The following CYFIP2 variants were observed in gnomAD, a reference collection of about 807,000 sequenced individuals.
The protein encoded by CYFIP2 is cytoplasmic FMR1-interacting protein 2.
Under a neutral mutation model 158.7 loss-of-function variants are expected in CYFIP2, and 29 were observed. The ratio of observed to expected loss-of-function variants is 0.18; its 90% CI spans 0.14 to 0.25. The LOEUF is 0.25. CYFIP2 is among the 10% of genes least tolerant of loss of function. The pLI is 1.00. For missense variants in CYFIP2, 852 were observed against 1,639.5 expected (o/e 0.52, Z 8.29); for synonymous variants, 585 against 617.6 (o/e 0.95, Z 0.78).
rs149957110 is a variant in CYFIP2 at position 157,304,386 on chromosome 5, G to A, written c.795+20G>A. 22 of 1,608,740 alleles carry A rather than the reference G, an allele frequency of 1.4e-5. No homozygotes were observed. The East Asian group carries it at 3.4e-4, about 25-fold the overall frequency. On this transcript the variant is annotated intron_variant, in intron 8 of 30. Coordinates refer to ENST00000620254, the MANE Select transcript of CYFIP2 (RefSeq NM_001037333.3). ...CTCAAGGTAAAACTCCCCTGAGGCC[G>A]CACCCATGGAGCCTGGGCTTACCCT...
At chr5:157,388,479 G>A (rs908062507) in intron 28 of CYFIP2, among the ~76,000 whole-genome samples, 4 of 152,174 alleles carry the variant, frequency 2.6e-5, no homozygotes, top group African/African-American at 7.2e-5. Context: ...AGTCAAGAGT[G>A]ACAATCCCAC....
At chr5:157,293,058 GTATGTA>G (rs1561697469) in intron 3 of CYFIP2, among the ~76,000 whole-genome samples, 15 of 151,766 alleles carry the variant, frequency 9.9e-5, no homozygotes, top group African/African-American at 2.9e-4. Flanking sequence ...ATGTATGTAT[GTATGTA>G]TGTGTGTTTG....
chr5:157,376,817 C>T (rs905220802), intron 26 of CYFIP2: 6 of 445,968 alleles, frequency 1.3e-5, no homozygotes, highest in Non-Finnish European at 2.3e-5. Context: ...GACTTCCAAG[C>T]TCAGATCTAC....
At chr5:157,351,394 T>C (rs1033105658) in intron 23 of CYFIP2, among the ~76,000 whole-genome samples, 1 of 152,242 alleles carries the variant, frequency 6.6e-6, no homozygotes, top group Non-Finnish European at 1.5e-5. Flanking sequence ...TTATTGGTTT[T>C]ATTTTTTAAT....
chr5:157,390,734 A>G (rs1767199747), intron 30 of CYFIP2, 66 bp downstream of exon 30: 7 of 1,548,420 alleles, frequency 4.5e-6, no homozygotes, highest in Non-Finnish European at 6.1e-6. Context: ...TTTACCAGAA[A>G]AGCAAACAAG....
At chr5:157,304,870 A>G (rs1210988397) in intron 8 of CYFIP2, 1 of 153,750 alleles carries the variant, frequency 6.5e-6, no homozygotes, top group Non-Finnish European at 1.4e-5. Context: ...TTACCCAAGC[A>G]GTGTATGCTG....
At chr5:157,302,328 C>T (rs1470094617) in intron 6 of CYFIP2, among the ~76,000 whole-genome samples, 1 of 152,180 alleles carries the variant, frequency 6.6e-6, no homozygotes, top group African/African-American at 2.4e-5. Context: ...CTTCTGTTTT[C>T]CATACAATGC....
At chr5:157,268,151 C>T (rs1233161924) in intron 1 of CYFIP2, among the ~76,000 whole-genome samples, 2 of 152,346 alleles carry the variant, frequency 1.3e-5, no homozygotes, top group South Asian at 2.1e-4. Context: ...GCTAGTTGTG[C>T]GCACTGAGCC....
intron 3 of CYFIP2, among the ~76,000 whole-genome samples, chr5:157,288,099 A>C (rs147479402): frequency 2.7e-3 from 414 of 152,322 alleles, no homozygotes; most frequent in African/African-American, 9.5e-3. Flanking sequence ...TCTCAAAAAA[A>C]TAAGAGTAGT....
chr5:157,345,867 ATTC>A (rs1184271670), intron 23 of CYFIP2: 1 of 152,190 alleles, frequency 6.6e-6, no homozygotes, highest in Non-Finnish European at 1.5e-5. Flanking sequence ...TGCAGTACTA[ATTC>A]TTCTAACACT....
intron 12 of CYFIP2, 33 bp downstream of exon 12, chr5:157,314,496 A>G: frequency 6.3e-7 from 1 of 1,596,282 alleles, no homozygotes; most frequent in Non-Finnish European, 8.5e-7. Flanking sequence ...CCTCACACTG[A>G]CCTCTCTTTC....
intron 5 of CYFIP2, among the ~76,000 whole-genome samples, chr5:157,298,672 T>C (rs1052551288): frequency 2.6e-5 from 4 of 152,006 alleles, no homozygotes; most frequent in African/African-American, 7.3e-5. Flanking sequence ...ACATCTTCAT[T>C]ACCCCAAAAA....
At chr5:157,367,969 G>T (rs1275604165) in intron 26 of CYFIP2, among the ~76,000 whole-genome samples, 1 of 152,016 alleles carries the variant, frequency 6.6e-6, no homozygotes, top group African/African-American at 2.4e-5. Context: ...TGTTGGTCAG[G>T]CTGGTCTTGA....
At chr5:157,282,552 C>A (rs1757067818) in intron 1 of CYFIP2, among the ~76,000 whole-genome samples, 1 of 152,238 alleles carries the variant, frequency 6.6e-6, no homozygotes, top group Admixed American at 6.5e-5. Flanking sequence ...AGTAGTCCTG[C>A]TGTGAATGGC....
intron 19 of CYFIP2, 86 bp from the exon 20 acceptor site, chr5:157,330,656 C>T (rs1240457454): frequency 2.0e-6 from 2 of 1,013,036 alleles, no homozygotes; most frequent in East Asian, 4.9e-5. Flanking sequence ...GTGGGTAGAT[C>T]CTATGATCTG....
chr5:157,268,357 C>G (rs1006147158), intron 1 of CYFIP2, among the ~76,000 whole-genome samples: 11 of 152,190 alleles, frequency 7.2e-5, no homozygotes, highest in African/African-American at 2.7e-4. Flanking sequence ...TTACTCAAAT[C>G]AGATGCTGGC....
At chr5:157,332,811 A>T (rs1053452499) in intron 20 of CYFIP2, among the ~76,000 whole-genome samples, 2 of 151,842 alleles carry the variant, frequency 1.3e-5, no homozygotes, top group African/African-American at 4.8e-5. Context: ...CACCTGGCTA[A>T]TTTTTTTTAT....
At chr5:157,343,326 G>A (rs1183840695) in intron 23 of CYFIP2, 4 of 1,614,212 alleles carry the variant, frequency 2.5e-6, no homozygotes, top group South Asian at 1.1e-5. Flanking sequence ...AGGAAGTAGA[G>A]AGTGGAAGGG....
At chr5:157,287,188 G>A in intron 3 of CYFIP2, 80 bp downstream of exon 3, 5 of 1,129,596 alleles carry the variant, frequency 4.4e-6, no homozygotes, top group Non-Finnish European at 5.3e-6. Context: ...CACACCAGAG[G>A]CATGTGCTCA....
Sources: allele counts gnomAD v4.1 joint callset (sites outside exome capture counted in the v4.1 genomes callset), GRCh38; gene constraint gnomAD v4.1.1; transcripts MANE v1.5; gene names NCBI Gene and HGNC (gene_info 2026-07-23, HGNC 2026-07-21).